The following FAM135B variants were observed in gnomAD, a reference collection of about 807,000 sequenced individuals.
FAM135B encodes family with sequence similarity 135 member B, also known as protein FAM135B.
FAM135B carries 43 observed loss-of-function variants against 127.7 expected under a neutral mutation model. The observed-to-expected ratio is 0.34, with a 90% CI of 0.26 to 0.43. FAM135B has a LOEUF of 0.43. Among genes scored for constraint, FAM135B ranks in the 20% least tolerant of loss-of-function variants. The probability of loss-of-function intolerance (pLI) is 1.00; values close to 1 mark genes in which losing one functional copy is unlikely to be tolerated. For synonymous variants in FAM135B, 670 were observed against 665.1 expected, an observed-to-expected ratio of 1.01 and a Z score of -0.11; for missense variants, 1,558 against 1,725.6, an observed-to-expected ratio of 0.90 and a Z score of 1.72.
intron 1 of FAM135B, among the ~76,000 whole-genome samples, chr8:138,412,484 G>A (rs1833921365): frequency 6.6e-6 from 1 of 152,098 alleles, no homozygotes; most frequent in Non-Finnish European, 1.5e-5. Context: ...ACTTCTTCAG[G>A]TCCTCTGGGA....
intron 7 of FAM135B, among the ~76,000 whole-genome samples, chr8:138,232,824 A>G (rs576759254): frequency 6.6e-6 from 1 of 152,160 alleles, no homozygotes; most frequent in Non-Finnish European, 1.5e-5. Flanking sequence ...CTATCCTCTT[A>G]ACAAAATTGT....
intron 1 of FAM135B, among the ~76,000 whole-genome samples, chr8:138,465,558 T>G (rs1019386273): frequency 6.6e-6 from 1 of 152,152 alleles, no homozygotes. Flanking sequence ...TGCCCATTCT[T>G]TGGCCTCTCT....
chr8:138,401,028 G>A (rs897268717), intron 1 of FAM135B, among the ~76,000 whole-genome samples: 1 of 152,136 alleles, frequency 6.6e-6, no homozygotes, highest in Non-Finnish European at 1.5e-5. Flanking sequence ...AAAGGGAGAG[G>A]CTTAGCAATC....
At chr8:138,437,889 C>T (rs1304608700) in intron 1 of FAM135B, 1 of 152,152 alleles carries the variant, frequency 6.6e-6, no homozygotes, top group East Asian at 1.9e-4. Flanking sequence ...TACCAGAATT[C>T]AGGAATCACT....
At position 138,471,092 on chromosome 8, in the gene FAM135B, CT is replaced by C. The variant is rs1291183252; in HGVS notation, c.-20+25578del. On this transcript the variant is annotated intron_variant, in intron 1 of 19. Coordinates refer to ENST00000395297, the MANE Select transcript of FAM135B (RefSeq NM_015912.4). Reference sequence around the variant, plus strand: ...CTTAGTCATCATGAAATTGCAAAGCCTTGTGGGATTCCTAGAGAAAGGTGAG... The same window carrying C: ...CTTAGTCATCATGAAATTGCAAAGCCTGTGGGATTCCTAGAGAAAGGTGAG... Among the ~76,000 whole-genome samples the C allele has an allele frequency of 2.6e-5, 4 of 152,262 alleles. No individual in the cohort carries two copies. The East Asian group carries it at 7.7e-4, about 29-fold the overall frequency.
chr8:138,269,700 T>C (rs192725463), intron 3 of FAM135B, among the ~76,000 whole-genome samples: 38 of 152,340 alleles, frequency 2.5e-4, no homozygotes, highest in Admixed American at 2.1e-3. Context: ...TTTCCAGCTG[T>C]GTGGCCTTAG....
chr8:138,430,060 T>C (rs1835109905), intron 1 of FAM135B, among the ~76,000 whole-genome samples: 1 of 152,188 alleles, frequency 6.6e-6, no homozygotes, highest in Non-Finnish European at 1.5e-5. Flanking sequence ...CAGCACTTTC[T>C]AGAGAAGGGC....
intron 12 of FAM135B, among the ~76,000 whole-genome samples, chr8:138,160,130 G>A (rs192194982): frequency 2.6e-4 from 40 of 152,222 alleles, no homozygotes; most frequent in Middle Eastern, 3.4e-3. Context: ...GTGCCTGGGG[G>A]GTGGTAAGTC....
intron 9 of FAM135B, among the ~76,000 whole-genome samples, chr8:138,183,448 C>T (rs1004172497): frequency 6.6e-6 from 1 of 152,024 alleles, no homozygotes; most frequent in African/African-American, 2.4e-5. Flanking sequence ...CATGCTGGCC[C>T]CTGTACCACT....
intron 2 of FAM135B, among the ~76,000 whole-genome samples, chr8:138,354,909 A>T (rs1048884686): frequency 1.3e-5 from 2 of 151,992 alleles, no homozygotes; most frequent in African/African-American, 4.8e-5. Context: ...TGTGCACAAC[A>T]TGCAGGTTTG....
intron 1 of FAM135B, among the ~76,000 whole-genome samples, chr8:138,377,252 C>T (rs150252180): frequency 1.1e-3 from 160 of 152,236 alleles, no homozygotes; most frequent in African/African-American, 3.5e-3. Context: ...TGTTCTCAAA[C>T]GATTGTGTAT....
intron 9 of FAM135B, among the ~76,000 whole-genome samples, chr8:138,187,132 C>T (rs1815656908): frequency 6.6e-6 from 1 of 152,168 alleles, no homozygotes; most frequent in Admixed American, 6.5e-5. Context: ...ATCATCAGTT[C>T]CTGCCTCAAG....
intron 2 of FAM135B, among the ~76,000 whole-genome samples, chr8:138,334,219 G>C (rs536545739): frequency 2.0e-5 from 3 of 152,070 alleles, no homozygotes; most frequent in Non-Finnish European, 4.4e-5. Flanking sequence ...CACCATGTCC[G>C]GCCCCATCTC....
chr8:138,463,311 C>T (rs888383392), intron 1 of FAM135B, among the ~76,000 whole-genome samples: 8 of 152,048 alleles, frequency 5.3e-5, no homozygotes, highest in Admixed American at 4.6e-4. Context: ...ACAGTTAGAG[C>T]AGTGACAGTA....
At chr8:138,232,248 G>C (rs1007530085) in intron 7 of FAM135B, among the ~76,000 whole-genome samples, 10 of 88,814 alleles carry the variant, frequency 1.1e-4, no homozygotes, top group South Asian at 2.5e-4. Context: ...AGGACATAGT[G>C]GGGGGGAGCC....
chr8:138,213,385 C>T (rs1042166113), intron 7 of FAM135B, among the ~76,000 whole-genome samples: 5 of 152,146 alleles, frequency 3.3e-5, no homozygotes, highest in African/African-American at 1.2e-4. Flanking sequence ...ATAATGCCAA[C>T]AGCATGTCAT....
intron 1 of FAM135B, among the ~76,000 whole-genome samples, chr8:138,491,095 C>G (rs941982912): frequency 1.4e-5 from 2 of 146,000 alleles, no homozygotes; most frequent in Non-Finnish European, 3.0e-5. Context: ...GAGCCGAGAT[C>G]GTGCCATTGC....
intron 2 of FAM135B, among the ~76,000 whole-genome samples, chr8:138,362,080 A>G (rs1830453230): frequency 6.6e-6 from 1 of 152,188 alleles, no homozygotes; most frequent in African/African-American, 2.4e-5. Flanking sequence ...CTCATGGAGA[A>G]GAGAGTATTC....
At chr8:138,237,126 T>C (rs1427098856) in intron 7 of FAM135B, among the ~76,000 whole-genome samples, 1 of 150,056 alleles carries the variant, frequency 6.7e-6, no homozygotes, top group Non-Finnish European at 1.5e-5. Flanking sequence ...AGGGTGCACC[T>C]CACTCTGAGT....
Sources: allele counts gnomAD v4.1 joint callset (sites outside exome capture counted in the v4.1 genomes callset), GRCh38; gene constraint gnomAD v4.1.1; transcripts MANE v1.5; gene names NCBI Gene and HGNC (gene_info 2026-07-23, HGNC 2026-07-21).